RNF10: variants seen among roughly 807,000 people sequenced by gnomAD.
RNF10 encodes ring finger protein 10.
Under a neutral mutation model 91.4 loss-of-function variants are expected in RNF10, and 38 were observed. That is an observed-to-expected ratio of 0.42 (90% CI 0.32 to 0.54). RNF10 has a LOEUF of 0.54. Ranked by LOEUF, RNF10 falls within the 20% of genes least tolerant of loss-of-function variation. The pLI is 0.16. For synonymous variants in RNF10, 364 were observed against 366.3 expected (o/e 0.99, Z 0.07); for missense variants, 945 against 1,012.0 (o/e 0.93, Z 0.90).
At chr12:120,562,028 G>A (rs555055497) in intron 7 of RNF10, among the ~76,000 whole-genome samples, 166 of 151,940 alleles carry the variant, frequency 1.1e-3, no homozygotes, top group Non-Finnish European at 1.5e-3. Context: ...TTAAGTTCAG[G>A]GGTACAAATG....
chr12:120,552,818 G>C lies in RNF10; in HGVS notation c.554+120G>C, dbSNP rs527576617. 16 of 864,276 alleles carry C rather than the reference G, an allele frequency of 1.9e-5. No individual in the cohort carries two copies. The South Asian group carries it at 2.1e-4, about 12-fold the overall frequency. 53.5% of individuals were successfully genotyped at this position (864,276 alleles called of 1,614,324 possible). A position where few individuals can be genotyped will look rare whatever the true frequency, so the allele number is the denominator to read the frequency against. On this transcript the variant is annotated intron_variant, in intron 3 of 16. Coordinates refer to ENST00000325954, the MANE Select transcript of RNF10 (RefSeq NM_014868.5). ...AAGAAGCAGAAAGGGAATTGGTCTC[G>C]TTCTTTTTCTGTTCACCACTGCCCC...
chr12:120,560,701 T>A, intron 6 of RNF10, 25 bp from the exon 7 acceptor site: 1 of 1,601,714 alleles, frequency 6.2e-7, no homozygotes, highest in Non-Finnish European at 8.5e-7. Flanking sequence ...GTTGCATTTC[T>A]TTGATCTTGC....
chr12:120,551,231 C>G (rs1299773878), intron 2 of RNF10, among the ~76,000 whole-genome samples: 2 of 151,100 alleles, frequency 1.3e-5, no homozygotes, highest in Admixed American at 1.3e-4. Flanking sequence ...AATGATCCTC[C>G]CTCCTTGGCC....
chr12:120,539,342 AC>A (rs748937368), intron 1 of RNF10: 1 of 1,157,492 alleles, frequency 8.6e-7, no homozygotes, highest in South Asian at 1.3e-5. Context: ...CATTCCTGAT[AC>A]CACCTCTCTC....
At chr12:120,550,628 G>A (rs1247588784) in intron 2 of RNF10, among the ~76,000 whole-genome samples, 3 of 150,930 alleles carry the variant, frequency 2.0e-5, no homozygotes, top group African/African-American at 7.3e-5. Flanking sequence ...ACGAAGTCTC[G>A]CTCTGTCGTC....
chr12:120,547,751 A>G (rs930140789), intron 2 of RNF10, among the ~76,000 whole-genome samples: 20 of 152,174 alleles, frequency 1.3e-4, no homozygotes, highest in Non-Finnish European at 2.1e-4. Context: ...TAGGAAAGGG[A>G]TCAGATCATG....
chr12:120,577,568 A>C lies in RNF10; in HGVS notation c.*902A>C. The C allele has an allele frequency of 5.7e-6, 1 of 174,304 alleles. No individual in the cohort carries two copies. The highest frequency in any genetic ancestry group is 1.2e-5 in the Non-Finnish European group (1 of 80,440). 10.8% of individuals were successfully genotyped at this position (174,304 alleles called of 1,614,324 possible). ...TTAGAATGCGAAGGCAAATAGTTGC[A>C]ATAAATCACCTGCACAAGCATTGTG... is the stretch of plus-strand genomic sequence containing the variant. On this transcript the variant is annotated 3_prime_UTR_variant, in exon 17 of 17. Transcript: ENST00000325954.
chr12:120,566,645 C>G (rs1032056258), intron 12 of RNF10, among the ~76,000 whole-genome samples, 180 bp from the exon 13 acceptor site: 1 of 151,818 alleles, frequency 6.6e-6, no homozygotes, highest in Non-Finnish European at 1.5e-5. Flanking sequence ...GCCTGTGGTC[C>G]CGGCTACTCG....
chr12:120,575,524 A>T (rs1469253501), intron 14 of RNF10, 107 bp from the exon 15 acceptor site: 1 of 1,186,184 alleles, frequency 8.4e-7, no homozygotes, highest in Non-Finnish European at 1.2e-6. Flanking sequence ...AATCTTTTCA[A>T]AGGTGATAGT....
chr12:120,575,483 AACAGTGTGTTAAGG>A, intron 14 of RNF10, 134 bp from the exon 15 acceptor site: 1 of 802,748 alleles, frequency 1.2e-6, no homozygotes, highest in Non-Finnish European at 2.1e-6. Context: ...ACATGACTAG[AACAGTGTGTTAAGG>A]AGAGAAGTAC....
chr12:120,565,302 C>CTA, intron 11 of RNF10, 113 bp downstream of exon 11: 1 of 1,138,266 alleles, frequency 8.8e-7, no homozygotes, highest in South Asian at 1.3e-5. Flanking sequence ...TTAGTACCTC[C>CTA]TAAACACTTC....
chr12:120,557,222 C>T, intron 4 of RNF10, 60 bp from the exon 5 acceptor site: 1 of 1,541,372 alleles, frequency 6.5e-7, no homozygotes, highest in South Asian at 1.2e-5. Flanking sequence ...AGGCCTAAAA[C>T]TTTGACAGTC....
rs545022509 is a variant in RNF10, at chr12:120,567,013, CAGTT to C, written c.2041+36_2041+39del. 133 of 1,584,434 alleles carry C rather than the reference CAGTT, an allele frequency of 8.4e-5. No homozygotes were observed. The African/African-American group carries it at 1.5e-3, about 17-fold the overall frequency. On this transcript the variant is annotated intron_variant, in intron 13 of 16. Coordinates refer to ENST00000325954, the MANE Select transcript of RNF10 (RefSeq NM_014868.5). ...GGTGAAATTTAATGAATTCACCCAT[CAGTT>C]AGACCTTATGCAAAGCTTTGGTGTC... is the stretch of plus-strand genomic sequence containing the variant.
chr12:120,572,820 A>G lies in RNF10; in HGVS notation c.2142+1529A>G, dbSNP rs190923718. Reference sequence around the variant, plus strand: ...TTTACCATGTTGGCCAGGCTGGTCTAGAACTCTTGACCTCAGGCGATCCAC... The same window carrying G: ...TTTACCATGTTGGCCAGGCTGGTCTGGAACTCTTGACCTCAGGCGATCCAC... On this transcript the variant is annotated intron_variant, in intron 14 of 16. Transcript: ENST00000325954. Among the ~76,000 whole-genome samples, 605 of 150,456 alleles carry G rather than the reference A, an allele frequency of 4.0e-3. 1 individual carries two copies. The highest frequency in any genetic ancestry group is 6.4e-3 in the Non-Finnish European group (436 of 67,742).
intron 10 of RNF10, among the ~76,000 whole-genome samples, chr12:120,564,661 G>T (rs1875405267): frequency 6.6e-6 from 1 of 152,124 alleles, no homozygotes; most frequent in Non-Finnish European, 1.5e-5. Context: ...CTTTCAATAG[G>T]GAGATCTGCT....
In RNF10 at chr12:120,560,828, C is replaced by T. The variant is rs749074675; in HGVS notation, c.1070C>T (p.Ala357Val). Reference sequence around the variant, plus strand: ...AAAGTAGCACTAGAGCAGCAGCTGGCAGAGGAGAAGCACACTCCCGAGTCC... The same window carrying T: ...AAAGTAGCACTAGAGCAGCAGCTGGTAGAGGAGAAGCACACTCCCGAGTCC... ...EEKVALEQQLAEEKHTPESCF... is the reference protein window; with the variant it reads ...EEKVALEQQLVEEKHTPESCF... The change falls in exon 7 of 17, where the codon GCA (alanine) becomes GTA (valine). Residue 357 changes from alanine to valine, a missense_variant. Physicochemically the swap from Ala to Val is moderately conservative, Grantham distance 64 (BLOSUM62 0). Coordinates refer to ENST00000325954, the MANE Select transcript of RNF10 (RefSeq NM_014868.5). 1.2e-6 allele frequency: 2 copies of T among 1,614,154 alleles called. No homozygotes were observed. Among genetic ancestry groups the T allele is most frequent in the Non-Finnish European group, 1.7e-6 (2 of 1,180,038 alleles).
intron 1 of RNF10, 123 bp downstream of exon 1, chr12:120,535,091 C>A: frequency 9.4e-7 from 1 of 1,069,016 alleles, no homozygotes; most frequent in Non-Finnish European, 1.3e-6. Context: ...CCTACCTGCC[C>A]TTTTCCATGG....
At chr12:120,551,290 GTT>G (rs63002361) in intron 2 of RNF10, among the ~76,000 whole-genome samples, 1 of 83,218 alleles carries the variant, frequency 1.2e-5, no homozygotes, top group African/African-American at 4.7e-5. Flanking sequence ...CCATCCTAGT[GTT>G]TTTTTTTTTT....
At chr12:120,570,678 A>T (rs1323700563) in intron 13 of RNF10, among the ~76,000 whole-genome samples, 2 of 152,118 alleles carry the variant, frequency 1.3e-5, no homozygotes, top group Non-Finnish European at 2.9e-5. Context: ...AGAGAAGTGT[A>T]TTACCTAGGG....
Sources: allele counts gnomAD v4.1 joint callset (sites outside exome capture counted in the v4.1 genomes callset), GRCh38; gene constraint gnomAD v4.1.1; transcripts MANE v1.5; gene names NCBI Gene and HGNC (gene_info 2026-07-23, HGNC 2026-07-21).